Variants in LSAMP observed in about 807,000 individuals in gnomAD.
LSAMP encodes limbic system-associated membrane protein.
A neutral mutation model predicts 38.6 loss-of-function variants in LSAMP; 7 were observed. The ratio of observed to expected loss-of-function variants is 0.18; its 90% confidence interval spans 0.10 to 0.34. LSAMP has a LOEUF of 0.34. Among genes scored for constraint, LSAMP ranks in the 10% least tolerant of loss-of-function variants. The pLI is 1.00. For synonymous variants in LSAMP, 154 were observed against 166.8 expected (o/e 0.92, Z 0.59); for missense variants, 313 against 420.0 (o/e 0.75, Z 2.23).
chr3:116,033,688 G>A (rs1220325862), intron 2 of LSAMP, among the ~76,000 whole-genome samples: 1 of 152,020 alleles, frequency 6.6e-6, no homozygotes, highest in Non-Finnish European at 1.5e-5. Flanking sequence ...TATCCATCTG[G>A]TAATGCTTGT....
intron 2 of LSAMP, among the ~76,000 whole-genome samples, chr3:116,054,933 T>C (rs1576336491): frequency 1.3e-5 from 2 of 152,326 alleles, no homozygotes; most frequent in East Asian, 3.9e-4. Flanking sequence ...CTATTTTCCA[T>C]GTTCCAGGTA....
intron 3 of LSAMP, among the ~76,000 whole-genome samples, chr3:115,879,758 C>A (rs1936275785): frequency 6.6e-6 from 1 of 152,030 alleles, no homozygotes; most frequent in Admixed American, 6.6e-5. Context: ...AAGAAAGAGA[C>A]TAACTTTTCA....
intron 1 of LSAMP, among the ~76,000 whole-genome samples, chr3:116,298,315 C>G (rs1004464456): frequency 6.6e-6 from 1 of 152,100 alleles, no homozygotes; most frequent in Non-Finnish European, 1.5e-5. Context: ...AGTTTTCTGC[C>G]CAAAATCATG....
At chr3:116,359,357 T>C (rs920917389) in intron 1 of LSAMP, among the ~76,000 whole-genome samples, 1 of 152,096 alleles carries the variant, frequency 6.6e-6, no homozygotes, top group Non-Finnish European at 1.5e-5. Flanking sequence ...ATGATGATGA[T>C]AAAAAAATGC....
Position 116,193,285 on chromosome 3 carries a change from C to T in LSAMP, c.156-106729G>A, listed in dbSNP as rs539267776. 2.0e-4 allele frequency among the ~76,000 whole-genome samples: 30 copies of T among 152,266 alleles called. 1 individual carries two copies. The South Asian group carries it at 6.2e-3, about 32-fold the overall frequency. On this transcript the variant is annotated intron_variant, in intron 1 of 6. Coordinates refer to ENST00000490035, the MANE Select transcript of LSAMP (RefSeq NM_002338.5). ...TCAATGCCTGATTGTCCAACTTCTC[C>T]TCTGGTGTTAGGGAAACTGGAGGAC...
intron 1 of LSAMP, among the ~76,000 whole-genome samples, chr3:116,358,546 T>A (rs1008135309): frequency 5.9e-5 from 9 of 152,150 alleles, no homozygotes; most frequent in African/African-American, 2.2e-4. Flanking sequence ...CAAAGTTACA[T>A]CTGATAGCAA....
At chr3:116,196,981 T>A (rs1388471395) in intron 1 of LSAMP, among the ~76,000 whole-genome samples, 1 of 152,196 alleles carries the variant, frequency 6.6e-6, no homozygotes, top group Non-Finnish European at 1.5e-5. Flanking sequence ...GAGCCCAAAC[T>A]GTCTGCACCT....
At chr3:116,443,798 G>C (rs951761034) in intron 1 of LSAMP, among the ~76,000 whole-genome samples, 1 of 152,194 alleles carries the variant, frequency 6.6e-6, no homozygotes, top group African/African-American at 2.4e-5. Context: ...TCTCCAAGGA[G>C]AGTGATTCTT....
chr3:115,915,560 A>C (rs1374981932), intron 3 of LSAMP, among the ~76,000 whole-genome samples: 2 of 152,200 alleles, frequency 1.3e-5, no homozygotes, highest in Non-Finnish European at 2.9e-5. Context: ...ATCGGTGTAC[A>C]TAAAGCTCCT....
intron 3 of LSAMP, among the ~76,000 whole-genome samples, chr3:115,893,461 C>T (rs1470954295): frequency 1.3e-5 from 2 of 151,972 alleles, no homozygotes; most frequent in African/African-American, 4.8e-5. Context: ...ACAGAAGAGT[C>T]TCAGTAGAGG....
At chr3:115,876,253 A>C (rs1270675023) in intron 3 of LSAMP, among the ~76,000 whole-genome samples, 3 of 128,434 alleles carry the variant, frequency 2.3e-5, no homozygotes, top group Non-Finnish European at 4.8e-5. Flanking sequence ...AACTGTTCTG[A>C]TTTAAAAAAA....
rs1219296323 is a variant in LSAMP at position 116,232,699 on chromosome 3, C to CTTTTTTTTTTTTTTTTTTTTT, written c.156-146144_156-146143insAAAAAAAAAAAAAAAAAAAAA. Among the ~76,000 whole-genome samples the CTTTTTTTTTTTTTTTTTTTTT allele has an allele frequency of 1.7e-4, 17 of 99,472 alleles. 1 individual carries two copies. Among genetic ancestry groups the CTTTTTTTTTTTTTTTTTTTTT allele is most frequent in the Non-Finnish European group, 1.9e-4 (9 of 48,526 alleles). 65.3% of individuals were successfully genotyped at this position (99,472 alleles called of 152,430 possible). The stretch of plus-strand genomic sequence containing the variant: ...TTAATTTTCTTTTCTTTCTTTCTTT[C>CTTTTTTTTTTTTTTTTTTTTT]TTTTTTTTTTTTTTTTTCCAGCAGG... On this transcript the variant is annotated intron_variant, in intron 1 of 6. Transcript: ENST00000490035.
chr3:116,057,193 T>C (rs1323105821), intron 2 of LSAMP, among the ~76,000 whole-genome samples: 1 of 152,180 alleles, frequency 6.6e-6, no homozygotes, highest in Non-Finnish European at 1.5e-5. Context: ...ATTGCTTTGC[T>C]TAGTGGCACA....
chr3:116,182,327 T>A (rs1012637463), intron 1 of LSAMP, among the ~76,000 whole-genome samples: 1 of 151,586 alleles, frequency 6.6e-6, no homozygotes, highest in African/African-American at 2.4e-5. Flanking sequence ...AGTTACCTCA[T>A]TTATTTCTTT....
chr3:116,357,406 C>A (rs2048240328), intron 1 of LSAMP, among the ~76,000 whole-genome samples: 2 of 152,028 alleles, frequency 1.3e-5, no homozygotes, highest in South Asian at 4.1e-4. Context: ...GTTGAAGACT[C>A]CCAAAGTCTC....
At chr3:115,906,702 A>T (rs141313329) in intron 3 of LSAMP, among the ~76,000 whole-genome samples, 50 of 152,274 alleles carry the variant, frequency 3.3e-4, no homozygotes, top group African/African-American at 1.2e-3. Context: ...CTATCTACAA[A>T]GCGTTTGGCA....
chr3:116,133,705 A>G lies in LSAMP; in HGVS notation c.156-47149T>C, dbSNP rs547988091. ...CTAGGCATTATTCTAGGGTTCTACA[A>G]TACACTTTGATTAAAATAATCAAAA... On this transcript the variant is annotated intron_variant, in intron 1 of 6. Transcript: ENST00000490035. 1.3e-5 allele frequency among the ~76,000 whole-genome samples: 2 copies of G among 152,318 alleles called. 1 individual carries two copies. Among genetic ancestry groups the G allele is most frequent in the Admixed American group, 1.3e-4 (2 of 15,300 alleles).
intron 3 of LSAMP, among the ~76,000 whole-genome samples, chr3:115,926,211 CA>C (rs1186692419): frequency 6.6e-6 from 1 of 152,114 alleles, no homozygotes; most frequent in Non-Finnish European, 1.5e-5. Flanking sequence ...AGTCTGGACA[CA>C]TGGGGCAAAG....
At chr3:116,196,901 C>A (rs1710894855) in intron 1 of LSAMP, among the ~76,000 whole-genome samples, 1 of 152,164 alleles carries the variant, frequency 6.6e-6, no homozygotes, top group Non-Finnish European at 1.5e-5. Flanking sequence ...TTCTGCAGAA[C>A]AACTCCTGAG....
Sources: gnomAD v4.1 joint callset for allele counts (sites outside exome capture counted in the v4.1 genomes callset) on GRCh38, gnomAD v4.1.1 for gene constraint, MANE v1.5 for transcripts, NCBI Gene and HGNC (gene_info 2026-07-23, HGNC 2026-07-21) for gene names.